MECOM: variants seen among roughly 807,000 people sequenced by gnomAD.
MECOM encodes the protein MDS1 and EVI1 complex locus.
A neutral mutation model predicts 116.3 loss-of-function variants in MECOM; 13 were observed. The observed-to-expected ratio is 0.11, with a 90% CI of 0.07 to 0.18. MECOM has a LOEUF of 0.18. Ranked by LOEUF, MECOM falls within the 10% of genes least tolerant of loss-of-function variation. The probability of loss-of-function intolerance (pLI) is 1.00; values close to 1 mark genes in which losing one functional copy is unlikely to be tolerated. For missense variants in MECOM, 1,299 were observed against 1,509.0 expected (o/e 0.86, Z 2.31); for synonymous variants, 528 against 535.2 (o/e 0.99, Z 0.19).
chr3:169,144,364 A>G lies in MECOM; in HGVS notation c.376-532T>C, dbSNP rs1215643428. On this transcript the variant is annotated intron_variant, in intron 2 of 16. Coordinates refer to ENST00000651503, the MANE Select transcript of MECOM (RefSeq NM_004991.4). ...TTGTCTTATAGGTGCTTCCAAACAA[A>G]CTAAAGAAAAACAAATTAAAATAAT... Among the ~76,000 whole-genome samples, 4 of 152,140 alleles carry G rather than the reference A, an allele frequency of 2.6e-5. No homozygotes were observed. The East Asian group carries it at 7.7e-4, about 29-fold the overall frequency.
At chr3:169,636,348 G>T (rs528574917) in intron 1 of MECOM, among the ~76,000 whole-genome samples, 1 of 152,098 alleles carries the variant, frequency 6.6e-6, no homozygotes, top group Non-Finnish European at 1.5e-5. Context: ...GGGTTAATTT[G>T]CATGACAAAC....
intron 7 of MECOM, among the ~76,000 whole-genome samples, 178 bp from the exon 8 acceptor site, chr3:169,116,917 C>A (rs540231758): frequency 2.0e-5 from 3 of 152,200 alleles, no homozygotes; most frequent in Non-Finnish European, 4.4e-5. Flanking sequence ...CAAAGCAAGG[C>A]AACCAACCTG....
At chr3:169,462,722 A>G (rs986434012) in intron 1 of MECOM, among the ~76,000 whole-genome samples, 3 of 152,224 alleles carry the variant, frequency 2.0e-5, no homozygotes, top group African/African-American at 4.8e-5. Flanking sequence ...AAACTCAACA[A>G]GTAACTCTGT....
intron 1 of MECOM, among the ~76,000 whole-genome samples, chr3:169,436,245 C>CTTTTT (rs11349670): frequency 1.1e-5 from 1 of 93,650 alleles, no homozygotes; most frequent in African/African-American, 3.9e-5. Context: ...GGCTAAATCG[C>CTTTTT]TTTTTTTTTT....
chr3:169,378,026 C>T (rs1731334933), intron 2 of MECOM, among the ~76,000 whole-genome samples: 1 of 151,952 alleles, frequency 6.6e-6, no homozygotes, highest in Non-Finnish European at 1.5e-5. Context: ...TTTGCAGGGA[C>T]ATGGATGAAG....
intron 2 of MECOM, among the ~76,000 whole-genome samples, chr3:169,261,834 C>A (rs1476784536): frequency 6.6e-6 from 1 of 152,210 alleles, no homozygotes; most frequent in East Asian, 1.9e-4. Flanking sequence ...ACTTGCTGGG[C>A]AGTGCCCACC....
At chr3:169,190,930 G>A (rs1005985426) in intron 2 of MECOM, among the ~76,000 whole-genome samples, 1 of 151,934 alleles carries the variant, frequency 6.6e-6, no homozygotes, top group Non-Finnish European at 1.5e-5. Context: ...CCCTTACTAG[G>A]TGGCCACATC....
At position 169,479,942 on chromosome 3, in the gene MECOM, G is replaced by A. The variant is rs117056638; in HGVS notation, c.38-98418C>T. 6.8e-4 allele frequency among the ~76,000 whole-genome samples: 103 copies of A among 152,270 alleles called. 2 individuals are homozygous for A. In the East Asian group the frequency reaches 0.017, roughly 25 times the overall value. On this transcript the variant is annotated intron_variant, in intron 1 of 16. Transcript: ENST00000651503. The stretch of plus-strand genomic sequence containing the variant: ...ATTTTTTAACTGAAACAAATACAGA[G>A]TAAGTAAATTGTCCAATATCAGAAA...
intron 1 of MECOM, among the ~76,000 whole-genome samples, chr3:169,626,933 C>T (rs572487069): frequency 6.6e-6 from 1 of 152,116 alleles, no homozygotes; most frequent in South Asian, 2.1e-4. Flanking sequence ...CATCTTACCC[C>T]AGTGAGTACA....
chr3:169,605,766 G>T (rs539997426), intron 1 of MECOM, among the ~76,000 whole-genome samples: 2 of 152,318 alleles, frequency 1.3e-5, no homozygotes, highest in South Asian at 4.1e-4. Context: ...TTTTCCCAGA[G>T]ATTATCATTA....
At chr3:169,119,549 AC>A (rs1386529824) in intron 7 of MECOM, among the ~76,000 whole-genome samples, 1 of 152,182 alleles carries the variant, frequency 6.6e-6, no homozygotes, top group East Asian at 1.9e-4. Flanking sequence ...ATATTTTCTG[AC>A]TTTTATTTTA....
intron 1 of MECOM, among the ~76,000 whole-genome samples, chr3:169,620,061 TC>T (rs1176558743): frequency 6.6e-6 from 1 of 152,182 alleles, no homozygotes. Flanking sequence ...ATAATAGCCA[TC>T]CGAGCCGAAG....
chr3:169,375,763 C>T (rs1730917192), intron 2 of MECOM, among the ~76,000 whole-genome samples: 1 of 152,108 alleles, frequency 6.6e-6, no homozygotes, highest in South Asian at 2.1e-4. Context: ...AAGAGGAGCT[C>T]GTACCATTAC....
chr3:169,392,584 T>A (rs1577962529), intron 1 of MECOM, among the ~76,000 whole-genome samples: 1 of 152,140 alleles, frequency 6.6e-6, no homozygotes, highest in Non-Finnish European at 1.5e-5. Context: ...AGATAAAATG[T>A]CTGCCCTCAA....
intron 1 of MECOM, among the ~76,000 whole-genome samples, chr3:169,553,452 C>A (rs982740449): frequency 2.6e-5 from 4 of 152,052 alleles, no homozygotes; most frequent in Non-Finnish European, 4.4e-5. Context: ...TCATTATGTC[C>A]CAAGTACCTA....
At chr3:169,626,903 T>A (rs1771448713) in intron 1 of MECOM, among the ~76,000 whole-genome samples, 1 of 152,088 alleles carries the variant, frequency 6.6e-6, no homozygotes, top group Admixed American at 6.6e-5. Context: ...CTTTCTCAGT[T>A]CTTAATATGT....
At chr3:169,279,786 GT>G (rs75392202) in intron 2 of MECOM, among the ~76,000 whole-genome samples, 4,884 of 151,862 alleles carry the variant, frequency 0.032, 167 homozygotes, top group East Asian at 0.11. Flanking sequence ...TTGCTGTTTT[GT>G]TTTCTTTTTT....
chr3:169,200,142 A>C (rs1004350392), intron 2 of MECOM, among the ~76,000 whole-genome samples: 1 of 152,086 alleles, frequency 6.6e-6, no homozygotes, highest in Non-Finnish European at 1.5e-5. Flanking sequence ...TTTTTAACTA[A>C]TGTCGTATTT....
At chr3:169,198,244 A>T (rs955250854) in intron 2 of MECOM, among the ~76,000 whole-genome samples, 1 of 152,074 alleles carries the variant, frequency 6.6e-6, no homozygotes, top group East Asian at 1.9e-4. Context: ...TCTTATATTT[A>T]CTTACTATGA....
Sources: allele counts gnomAD v4.1 joint callset (sites outside exome capture counted in the v4.1 genomes callset), GRCh38; gene constraint gnomAD v4.1.1; transcripts MANE v1.5; gene names NCBI Gene and HGNC (gene_info 2026-07-23, HGNC 2026-07-21).